Variants in CADM2 observed in about 807,000 individuals in gnomAD.
CADM2 encodes cell adhesion molecule 2, also known as immunoglobulin superfamily member 4D.
A neutral mutation model predicts 49.8 loss-of-function variants in CADM2; 12 were observed. The ratio of observed to expected loss-of-function variants is 0.24; its 90% CI spans 0.15 to 0.39. CADM2 has a LOEUF of 0.39. Ranked by LOEUF, CADM2 falls within the 10% of genes least tolerant of loss-of-function variation. The pLI is 1.00. For synonymous variants in CADM2, 214 were observed against 175.4 expected (o/e 1.22, Z -1.74); for missense variants, 378 against 492.3 (o/e 0.77, Z 2.20).
intron 3 of CADM2, among the ~76,000 whole-genome samples, chr3:85,844,753 C>T (rs537936871): frequency 2.0e-5 from 3 of 152,108 alleles, no homozygotes; most frequent in Admixed American, 6.6e-5. Flanking sequence ...CCATATGTAA[C>T]GAGTGTACAC....
intron 1 of CADM2, among the ~76,000 whole-genome samples, chr3:85,621,910 G>T (rs576662382): frequency 8.5e-5 from 13 of 152,294 alleles, no homozygotes; most frequent in African/African-American, 3.1e-4. Flanking sequence ...TACACAACAA[G>T]AGCATAAAAT....
At chr3:85,919,421 A>G (rs1718807167) in intron 6 of CADM2, among the ~76,000 whole-genome samples, 1 of 151,992 alleles carries the variant, frequency 6.6e-6, no homozygotes, top group African/African-American at 2.4e-5. Flanking sequence ...GAGGAAAATA[A>G]GCTGAAGTGT....
At chr3:85,326,957 T>A (rs948421636) in intron 1 of CADM2, among the ~76,000 whole-genome samples, 6 of 152,230 alleles carry the variant, frequency 3.9e-5, no homozygotes, top group South Asian at 4.1e-4. Context: ...ATTTTTTTTT[T>A]AAATAAAATA....
At position 85,333,624 on chromosome 3, in the gene CADM2, G is replaced by A. The variant is rs149237459; in HGVS notation, c.61+373956G>A. On this transcript the variant is annotated intron_variant, in intron 1 of 9. Transcript: ENST00000383699. The stretch of plus-strand genomic sequence containing the variant: ...AAATAATTTTTGTTATTAAAGAAAC[G>A]TGTTTTTCTGCTCTTGCTGCAGTTT... Among the ~76,000 whole-genome samples, 12 of 151,800 alleles carry A rather than the reference G, an allele frequency of 7.9e-5. No individual in the cohort carries two copies. The East Asian group carries it at 1.5e-3, about 20-fold the overall frequency.
At chr3:85,481,090 G>T (rs2039190415) in intron 1 of CADM2, among the ~76,000 whole-genome samples, 1 of 151,222 alleles carries the variant, frequency 6.6e-6, no homozygotes, top group Non-Finnish European at 1.5e-5. Flanking sequence ...TAGCAAAACA[G>T]AATAAACATA....
intron 7 of CADM2, among the ~76,000 whole-genome samples, chr3:85,946,613 A>G (rs1404498777): frequency 1.3e-5 from 2 of 152,136 alleles, no homozygotes; most frequent in Non-Finnish European, 2.9e-5. Flanking sequence ...GACCAATGGA[A>G]CAGAACAGAG....
At chr3:85,878,916 C>T (rs540245422) in intron 3 of CADM2, among the ~76,000 whole-genome samples, 14 of 151,994 alleles carry the variant, frequency 9.2e-5, no homozygotes, top group African/African-American at 2.2e-4. Context: ...AGGTGGGTAA[C>T]GTATTCTATC....
chr3:85,373,955 G>A (rs557525740), intron 1 of CADM2, among the ~76,000 whole-genome samples: 97 of 152,266 alleles, frequency 6.4e-4, no homozygotes, highest in African/African-American at 2.2e-3. Context: ...GATGGGAGGG[G>A]CTGCTGTGAA....
chr3:85,517,041 C>T (rs2106874684), intron 1 of CADM2, among the ~76,000 whole-genome samples: 1 of 151,726 alleles, frequency 6.6e-6, no homozygotes, highest in African/African-American at 2.4e-5. Context: ...ATATAGTATA[C>T]AGTATAAAGA....
intron 3 of CADM2, among the ~76,000 whole-genome samples, chr3:85,816,917 A>C (rs1577384793): frequency 6.6e-6 from 1 of 152,230 alleles, no homozygotes; most frequent in East Asian, 1.9e-4. Context: ...CCCTCTCTTC[A>C]GGAGATATTT....
At chr3:84,967,988 T>TATTTCC (rs1428128469) in intron 1 of CADM2, among the ~76,000 whole-genome samples, 1 of 152,018 alleles carries the variant, frequency 6.6e-6, no homozygotes, top group Non-Finnish European at 1.5e-5. Flanking sequence ...CTAGGCTGAG[T>TATTTCC]ATTTCCCTCT....
intron 7 of CADM2, among the ~76,000 whole-genome samples, chr3:85,946,429 C>T (rs1722704503): frequency 6.6e-6 from 1 of 152,002 alleles, no homozygotes; most frequent in Non-Finnish European, 1.5e-5. Context: ...GAAAAAACTA[C>T]TTTAAAGTTC....
intron 1 of CADM2, among the ~76,000 whole-genome samples, chr3:85,292,066 TA>T (rs1324605500): frequency 6.6e-6 from 1 of 150,602 alleles, no homozygotes; most frequent in African/African-American, 2.5e-5. Flanking sequence ...GAGACACACA[TA>T]GGCTCAAAAT....
chr3:85,560,524 C>A (rs2062066528), intron 1 of CADM2, among the ~76,000 whole-genome samples: 1 of 152,212 alleles, frequency 6.6e-6, no homozygotes, highest in Non-Finnish European at 1.5e-5. Context: ...GTTGGCGCTG[C>A]AGGAGAGGCA....
chr3:86,008,531 T>C (rs1328310167), intron 8 of CADM2, among the ~76,000 whole-genome samples: 1 of 152,128 alleles, frequency 6.6e-6, no homozygotes, highest in Non-Finnish European at 1.5e-5. Flanking sequence ...TTTTGATGCG[T>C]AATTCAATGC....
intron 1 of CADM2, among the ~76,000 whole-genome samples, chr3:85,515,633 T>TATATATA (rs1450614692): frequency 1.0e-3 from 124 of 121,766 alleles, no homozygotes; most frequent in African/African-American, 3.7e-3. Context: ...ATATATATAT[T>TATATATA]TTTTTTTTTT....
At chr3:85,471,161 G>T (rs1408581463) in intron 1 of CADM2, among the ~76,000 whole-genome samples, 1 of 152,038 alleles carries the variant, frequency 6.6e-6, no homozygotes, top group Non-Finnish European at 1.5e-5. Context: ...CAAGATGTAG[G>T]GGTGGCTCAG....
At chr3:85,721,801 C>A (rs1179465545) in intron 1 of CADM2, among the ~76,000 whole-genome samples, 1 of 152,228 alleles carries the variant, frequency 6.6e-6, no homozygotes, top group Admixed American at 6.5e-5. Context: ...TTCTTGTCTT[C>A]TCCCACAATG....
In CADM2 at chr3:86,043,076, A is replaced by T. The variant is rs183160043; in HGVS notation, c.971-22529A>T. On this transcript the variant is annotated intron_variant, in intron 8 of 9. Coordinates refer to ENST00000383699, the MANE Select transcript of CADM2 (RefSeq NM_001167675.2). Reference sequence around the variant, plus strand: ...AATAAATTAGGTATTGATGGGACGTATCTCAAAATAATAAGAGCTATCTAT... The same window carrying T: ...AATAAATTAGGTATTGATGGGACGTTTCTCAAAATAATAAGAGCTATCTAT... Among the ~76,000 whole-genome samples the T allele has an allele frequency of 7.8e-3, 1,186 of 152,328 alleles. 6 individuals carry two copies. Among genetic ancestry groups the T allele is most frequent in the Non-Finnish European group, 0.014 (920 of 68,030 alleles).
Sources: gnomAD v4.1 joint callset for allele counts (sites outside exome capture counted in the v4.1 genomes callset) on GRCh38, gnomAD v4.1.1 for gene constraint, MANE v1.5 for transcripts, NCBI Gene and HGNC (gene_info 2026-07-23, HGNC 2026-07-21) for gene names.